Variants in EXOC6B observed in about 807,000 individuals in gnomAD.
EXOC6B encodes SEC15 homolog B.
In EXOC6B, 54 loss-of-function variants were observed where a neutral mutation model predicts 113.5. That is an observed-to-expected ratio of 0.48 (90% confidence interval 0.38 to 0.60). The LOEUF is 0.60. EXOC6B is among the 20% of genes least tolerant of loss of function. The probability of loss-of-function intolerance (pLI) is 0.00; values close to 1 mark genes in which losing one functional copy is unlikely to be tolerated. For missense variants in EXOC6B, 797 were observed against 977.5 expected, an observed-to-expected ratio of 0.82 and a Z score of 2.46; for synonymous variants, 357 against 339.0, an observed-to-expected ratio of 1.05 and a Z score of -0.58.
intron 20 of EXOC6B, among the ~76,000 whole-genome samples, chr2:72,239,520 C>A (rs1439790037): frequency 6.6e-6 from 1 of 152,204 alleles, no homozygotes; most frequent in African/African-American, 2.4e-5. Context: ...AACTTCAACT[C>A]TATTCCATTA....
chr2:72,308,776 C>A (rs1330284130), intron 20 of EXOC6B, among the ~76,000 whole-genome samples: 1 of 152,110 alleles, frequency 6.6e-6, no homozygotes, highest in Non-Finnish European at 1.5e-5. Context: ...AACATTATGA[C>A]ATTTCCCATC....
chr2:72,295,015 G>A (rs912467814), intron 20 of EXOC6B, among the ~76,000 whole-genome samples: 13 of 151,936 alleles, frequency 8.6e-5, no homozygotes, highest in African/African-American at 2.4e-4. Flanking sequence ...AGTGGATCAC[G>A]TGGTCAGGAA....
At chr2:72,653,499 A>G (rs1674352941) in intron 6 of EXOC6B, among the ~76,000 whole-genome samples, 2 of 150,372 alleles carry the variant, frequency 1.3e-5, no homozygotes, top group South Asian at 4.2e-4. Flanking sequence ...TGGCACATGA[A>G]TACATATGTA....
At chr2:72,487,346 T>C (rs1368869938) in intron 16 of EXOC6B, among the ~76,000 whole-genome samples, 1 of 152,004 alleles carries the variant, frequency 6.6e-6, no homozygotes, top group Non-Finnish European at 1.5e-5. Context: ...GACAGTTTTT[T>C]GTTTTGTTTT....
chr2:72,227,402 A>T (rs1681311712), intron 20 of EXOC6B, among the ~76,000 whole-genome samples: 1 of 152,196 alleles, frequency 6.6e-6, no homozygotes. Flanking sequence ...AAGAAGACAT[A>T]AAATTTCTAA....
At chr2:72,822,725 G>T (rs527531462) in intron 1 of EXOC6B, among the ~76,000 whole-genome samples, 1 of 152,118 alleles carries the variant, frequency 6.6e-6, no homozygotes, top group Non-Finnish European at 1.5e-5. Context: ...TTCTGTGTTC[G>T]TTAGTTTCTC....
intron 7 of EXOC6B, among the ~76,000 whole-genome samples, chr2:72,564,184 G>C (rs913298535): frequency 2.0e-5 from 3 of 152,074 alleles, no homozygotes; most frequent in Non-Finnish European, 4.4e-5. Context: ...TGCTGATAAA[G>C]ACAGCACATT....
chr2:72,767,214 G>A (rs900620789), intron 1 of EXOC6B, among the ~76,000 whole-genome samples: 3 of 152,048 alleles, frequency 2.0e-5, no homozygotes, highest in Non-Finnish European at 4.4e-5. Flanking sequence ...TGTATCACCT[G>A]AGGTTAGGAG....
intron 1 of EXOC6B, among the ~76,000 whole-genome samples, chr2:72,771,557 A>G (rs1683404479): frequency 6.6e-5 from 10 of 152,328 alleles, no homozygotes; most frequent in Middle Eastern, 3.4e-3. Context: ...GAGCATTTTC[A>G]TTTCCTACTG....
intron 20 of EXOC6B, among the ~76,000 whole-genome samples, chr2:72,275,440 T>A (rs1200718546): frequency 4.6e-5 from 7 of 152,128 alleles, no homozygotes; most frequent in Non-Finnish European, 8.8e-5. Context: ...ATTGCAATAA[T>A]CTTCTAGGCC....
At chr2:72,807,482 T>A (rs1685641922) in intron 1 of EXOC6B, among the ~76,000 whole-genome samples, 1 of 152,198 alleles carries the variant, frequency 6.6e-6, no homozygotes, top group South Asian at 2.1e-4. Context: ...TCTTTCTGCT[T>A]AGGTATGCTT....
intron 6 of EXOC6B, among the ~76,000 whole-genome samples, chr2:72,664,336 C>G (rs1675236241): frequency 6.6e-6 from 1 of 152,054 alleles, no homozygotes; most frequent in South Asian, 2.1e-4. Flanking sequence ...AGTGGGGAAG[C>G]TAGGATCCCA....
chr2:72,765,266 A>C (rs1254514742), intron 1 of EXOC6B, among the ~76,000 whole-genome samples: 1 of 152,176 alleles, frequency 6.6e-6, no homozygotes, highest in East Asian at 1.9e-4. Context: ...CAGCCAGGGC[A>C]ACAGAGCAAC....
intron 19 of EXOC6B, among the ~76,000 whole-genome samples, chr2:72,369,064 G>T (rs1258535596): frequency 6.6e-6 from 1 of 152,160 alleles, no homozygotes; most frequent in Non-Finnish European, 1.5e-5. Flanking sequence ...AGGAAAAGAG[G>T]TAGTCAAATT....
chr2:72,760,648 T>C (rs1197431933), intron 1 of EXOC6B: 1 of 152,792 alleles, frequency 6.5e-6, no homozygotes, highest in Non-Finnish European at 1.5e-5. Context: ...ATGAATTTAT[T>C]TGAAAAAATG....
chr2:72,503,842 T>C (rs561742613), intron 11 of EXOC6B, among the ~76,000 whole-genome samples: 2 of 152,010 alleles, frequency 1.3e-5, no homozygotes, highest in Non-Finnish European at 2.9e-5. Context: ...TGCTGCACAT[T>C]CTCTCCAGCA....
intron 6 of EXOC6B, among the ~76,000 whole-genome samples, chr2:72,645,976 C>A (rs1314897463): frequency 1.3e-5 from 2 of 152,052 alleles, no homozygotes; most frequent in Admixed American, 6.6e-5. Context: ...ACACAAAAAA[C>A]CCTTCAAAAA....
rs542787190 is a variant in EXOC6B at position 72,190,213 on chromosome 2, A to G, written c.2197-6026T>C. 4.6e-5 allele frequency among the ~76,000 whole-genome samples: 7 copies of G among 151,324 alleles called. No individual in the cohort carries two copies. The East Asian group carries it at 1.2e-3, about 25-fold the overall frequency. The stretch of plus-strand genomic sequence containing the variant: ...TGACCAGGTTAACTTTTAAATTTTT[A>G]TTTTTGTAGAGATGAGGTCTTGCTA... On this transcript the variant is annotated intron_variant, in intron 20 of 21. Coordinates refer to ENST00000272427, the MANE Select transcript of EXOC6B (RefSeq NM_015189.3).
At chr2:72,461,286 C>A (rs1242018547) in intron 18 of EXOC6B, among the ~76,000 whole-genome samples, 1 of 149,372 alleles carries the variant, frequency 6.7e-6, no homozygotes, top group East Asian at 2.0e-4. Flanking sequence ...TGCAGCACAC[C>A]AGCACGGCAC....
Sources: allele counts gnomAD v4.1 joint callset (sites outside exome capture counted in the v4.1 genomes callset), GRCh38; gene constraint gnomAD v4.1.1; transcripts MANE v1.5; gene names NCBI Gene and HGNC (gene_info 2026-07-23, HGNC 2026-07-21).